GSR: variants seen among roughly 807,000 people sequenced by gnomAD.
The protein encoded by GSR is glutathione reductase, mitochondrial.
In GSR, 48 loss-of-function variants were observed where a neutral mutation model predicts 56.5. The observed-to-expected ratio is 0.85, with a 90% CI of 0.67 to 1.08. The LOEUF (loss-of-function observed/expected upper bound fraction) is 1.08, where lower values mean the gene tolerates loss of function less well. Among genes scored for constraint, GSR ranks in the 50% least tolerant of loss-of-function variants. The probability of loss-of-function intolerance (pLI) is 0.00; values close to 1 mark genes in which losing one functional copy is unlikely to be tolerated. For synonymous variants in GSR, 264 were observed against 270.8 expected (o/e 0.97, Z 0.25); for missense variants, 694 against 703.3 (o/e 0.99, Z 0.15).
At chr8:30,725,572 G>C (rs1412817584) in intron 1 of GSR, among the ~76,000 whole-genome samples, 1 of 145,158 alleles carries the variant, frequency 6.9e-6, no homozygotes, top group Non-Finnish European at 1.5e-5. Flanking sequence ...AAAAAAAATA[G>C]ATAAATACAT....
intron 1 of GSR, among the ~76,000 whole-genome samples, chr8:30,724,887 A>G (rs1353365910): frequency 1.1e-4 from 16 of 152,182 alleles, no homozygotes; most frequent in Admixed American, 9.2e-4. Flanking sequence ...TTTACATAAG[A>G]TAAAGTAAAA....
At chr8:30,709,656 T>G (rs533405109) in intron 3 of GSR, among the ~76,000 whole-genome samples, 158 bp downstream of exon 3, 6 of 152,286 alleles carry the variant, frequency 3.9e-5, no homozygotes, top group African/African-American at 1.4e-4. Flanking sequence ...ATGCGCTTAA[T>G]GGCACTCAAT....
At chr8:30,713,659 G>A (rs1012273195) in intron 1 of GSR, among the ~76,000 whole-genome samples, 5 of 151,902 alleles carry the variant, frequency 3.3e-5, no homozygotes, top group Non-Finnish European at 7.4e-5. Flanking sequence ...ACGCCCAGAC[G>A]AAATCTACAT....
intron 9 of GSR, among the ~76,000 whole-genome samples, chr8:30,685,461 A>C (rs762947862): frequency 2.0e-5 from 3 of 152,148 alleles, no homozygotes; most frequent in Non-Finnish European, 4.4e-5. Context: ...TCTACTCTAA[A>C]ACATACTGAT....
chr8:30,721,818 C>T lies in GSR; in HGVS notation c.306+5712G>A, dbSNP rs1006517219. The stretch of plus-strand genomic sequence containing the variant: ...GGTGGATCGGTTGAGGTCAGGAGTT[C>T]GAGACCAGCCTGGCCAACGTGGTGA... On this transcript the variant is annotated intron_variant, in intron 1 of 12. Coordinates refer to ENST00000221130, the MANE Select transcript of GSR (RefSeq NM_000637.5). Among the ~76,000 whole-genome samples the T allele has an allele frequency of 1.3e-4, 19 of 151,496 alleles. No homozygotes were observed. The South Asian group carries it at 2.3e-3, about 18-fold the overall frequency.
chr8:30,721,731 G>A (rs1316368676), intron 1 of GSR, among the ~76,000 whole-genome samples: 2 of 151,832 alleles, frequency 1.3e-5, no homozygotes, highest in Non-Finnish European at 2.9e-5. Flanking sequence ...AAAAGTTCTT[G>A]GATTCTTGGA....
At chr8:30,712,534 T>C (rs1180186077) in intron 1 of GSR, among the ~76,000 whole-genome samples, 1 of 151,978 alleles carries the variant, frequency 6.6e-6, no homozygotes, top group Non-Finnish European at 1.5e-5. Context: ...AGTAGCTGGG[T>C]GTGGTGGTGC....
intron 12 of GSR, among the ~76,000 whole-genome samples, chr8:30,680,094 TGAGAA>T (rs1205936409): frequency 6.6e-6 from 1 of 151,360 alleles, no homozygotes; most frequent in African/African-American, 2.5e-5. Flanking sequence ...TTCTTAGTCT[TGAGAA>T]GAATGACAAA....
intron 8 of GSR, among the ~76,000 whole-genome samples, chr8:30,692,043 C>T (rs1356340856): frequency 6.6e-6 from 1 of 151,160 alleles, no homozygotes; most frequent in Non-Finnish European, 1.5e-5. Flanking sequence ...GTTGAGGCTG[C>T]AGTGAGCTGA....
chr8:30,683,724 T>C lies in GSR; in HGVS notation c.1153+364A>G, dbSNP rs567608414. Among the ~76,000 whole-genome samples, 3 of 146,464 alleles carry C rather than the reference T, an allele frequency of 2.0e-5. No homozygotes were observed. In the South Asian group the frequency reaches 6.5e-4, roughly 32 times the overall value. Reference sequence around the variant, plus strand: ...TGCAGTGAGCCCGTGATCATGCCACTGCACTCCAGCCTGGGTAACAGAGTG... The same window carrying C: ...TGCAGTGAGCCCGTGATCATGCCACCGCACTCCAGCCTGGGTAACAGAGTG... On this transcript the variant is annotated intron_variant, in intron 10 of 12. Transcript: ENST00000221130.
chr8:30,714,609 C>T (rs1374356499), intron 1 of GSR, among the ~76,000 whole-genome samples: 2 of 152,156 alleles, frequency 1.3e-5, no homozygotes, highest in African/African-American at 4.8e-5. Context: ...ATCCTCCTAA[C>T]TCGGCCTCCC....
chr8:30,710,541 A>C (rs79786869), intron 2 of GSR, among the ~76,000 whole-genome samples: 3,898 of 151,008 alleles, frequency 0.026, 166 homozygotes, highest in African/African-American at 0.09. Flanking sequence ...ACATGGTGAA[A>C]TCTCATTTCT....
chr8:30,702,319 CTAAA>C (rs531638931), intron 5 of GSR, among the ~76,000 whole-genome samples: 46 of 150,988 alleles, frequency 3.0e-4, no homozygotes, highest in South Asian at 1.1e-3. Context: ...GACTCTGTCT[CTAAA>C]TAAATAAATA....
chr8:30,701,335 G>A (rs570313324), intron 5 of GSR, among the ~76,000 whole-genome samples: 36 of 152,220 alleles, frequency 2.4e-4, no homozygotes, highest in South Asian at 8.3e-4. Flanking sequence ...GTGTGGTGGC[G>A]CATGCCTGTA....
chr8:30,691,163 A>G (rs905495045), intron 8 of GSR, among the ~76,000 whole-genome samples: 4 of 151,760 alleles, frequency 2.6e-5, no homozygotes, highest in Admixed American at 1.3e-4. Flanking sequence ...CCAGGAGTTC[A>G]AGACCAGCCT....
At chr8:30,723,175 T>C (rs1041436219) in intron 1 of GSR, among the ~76,000 whole-genome samples, 7 of 152,138 alleles carry the variant, frequency 4.6e-5, no homozygotes, top group Non-Finnish European at 8.8e-5. Context: ...TTCCTTAAGC[T>C]GACTCTCCCA....
At chr8:30,707,219 C>A (rs894167031) in intron 4 of GSR, 32 of 152,102 alleles carry the variant, frequency 2.1e-4, no homozygotes, top group African/African-American at 7.5e-4. Context: ...TGCACAAAGT[C>A]TCTCGTATGT....
At chr8:30,685,061 G>A (rs1803114899) in intron 9 of GSR, among the ~76,000 whole-genome samples, 1 of 151,604 alleles carries the variant, frequency 6.6e-6, no homozygotes. Context: ...CCAGGTTCAC[G>A]CCATTCTCCT....
intron 11 of GSR, among the ~76,000 whole-genome samples, chr8:30,681,488 G>A: frequency 6.6e-6 from 1 of 151,820 alleles, no homozygotes; most frequent in Non-Finnish European, 1.5e-5. Flanking sequence ...TCGTGCCACT[G>A]CACTCCAGCC....
Sources: allele counts gnomAD v4.1 joint callset (sites outside exome capture counted in the v4.1 genomes callset), GRCh38; gene constraint gnomAD v4.1.1; transcripts MANE v1.5; gene names NCBI Gene and HGNC (gene_info 2026-07-23, HGNC 2026-07-21).